TSHZ1: variants seen among roughly 807,000 people sequenced by gnomAD.
The protein encoded by TSHZ1 is teashirt zinc finger homeobox 1, also known as teashirt homolog 1.
A neutral mutation model predicts 67.1 loss-of-function variants in TSHZ1; 12 were observed. The ratio of observed to expected loss-of-function variants is 0.18; its 90% CI spans 0.11 to 0.29. The LOEUF (loss-of-function observed/expected upper bound fraction) is 0.29. Ranked by LOEUF, TSHZ1 falls within the 10% of genes least tolerant of loss-of-function variation. TSHZ1 has a pLI of 1.00. For synonymous variants in TSHZ1, 632 were observed against 622.4 expected (o/e 1.02, Z -0.23); for missense variants, 1,305 against 1,413.9 (o/e 0.92, Z 1.23).
intron 1 of TSHZ1, among the ~76,000 whole-genome samples, chr18:75,226,812 A>G (rs1599028007): frequency 6.6e-6 from 1 of 152,258 alleles, no homozygotes; most frequent in African/African-American, 2.4e-5. Flanking sequence ...TTCATTTTGC[A>G]GTCCCTCCTA....
At chr18:75,239,254 G>T (rs1201881032) in intron 1 of TSHZ1, among the ~76,000 whole-genome samples, 30 of 152,216 alleles carry the variant, frequency 2.0e-4, no homozygotes, top group Non-Finnish European at 5.9e-5. Context: ...TATGATAATT[G>T]TCCTTGTTAT....
intron 1 of TSHZ1, among the ~76,000 whole-genome samples, chr18:75,221,906 A>G (rs902227226): frequency 6.6e-6 from 1 of 152,260 alleles, no homozygotes; most frequent in Admixed American, 6.5e-5. Context: ...AAACTTTGAG[A>G]ATATATACAT....
At chr18:75,249,935 A>C (rs1300023199) in intron 1 of TSHZ1, among the ~76,000 whole-genome samples, 1 of 115,116 alleles carries the variant, frequency 8.7e-6, no homozygotes, top group Admixed American at 8.6e-5. Flanking sequence ...AGTAGGTGGG[A>C]GGGTTGACTT....
At chr18:75,235,714 A>C (rs1329161250) in intron 1 of TSHZ1, among the ~76,000 whole-genome samples, 3 of 152,202 alleles carry the variant, frequency 2.0e-5, no homozygotes, top group African/African-American at 7.2e-5. Context: ...TGGATGTAAA[A>C]ATTTCATTGA....
intron 1 of TSHZ1, among the ~76,000 whole-genome samples, chr18:75,247,051 C>T (rs990677355): frequency 1.3e-5 from 2 of 152,036 alleles, no homozygotes; most frequent in African/African-American, 2.4e-5. Flanking sequence ...TCTTTTTGCT[C>T]GAGCAAATGG....
intron 1 of TSHZ1, among the ~76,000 whole-genome samples, chr18:75,282,015 C>G (rs1025734018): frequency 6.6e-6 from 1 of 152,112 alleles, no homozygotes; most frequent in Non-Finnish European, 1.5e-5. Context: ...CTTCGACGTC[C>G]GCACTCCCTG....
Position 75,287,294 on chromosome 18 carries a change from C to A in TSHZ1, c.1887C>A (p.Pro629=). 6.2e-7 allele frequency: 1 copy of A among 1,614,086 alleles called. No homozygotes were observed. Among genetic ancestry groups the A allele is most frequent in the African/African-American group, 1.3e-5 (1 of 75,024 alleles). ...ALLHSPGSLT[P]PPHKSNVSAM... ...TGCACTCCCCAGGGAGCCTCACGCC[C>A]CCACCGCACAAGAGCAACGTGTCTG... Residue 629 remains proline (P), a synonymous_variant, in exon 2 of 2, where the codon CCC becomes CCA. Coordinates refer to ENST00000580243, the MANE Select transcript of TSHZ1 (RefSeq NM_001308210.2). The surrounding 1 kb of genome is among the most constrained non-coding windows in gnomAD (Gnocchi z 5.0).
Position 75,286,107 on chromosome 18 carries a change from A to C in TSHZ1, c.700A>C (p.Lys234Gln), listed in dbSNP as rs1461987765. The change falls in exon 2 of 2, where the codon AAG becomes CAG. Residue 234 changes from lysine (K) to glutamine (Q), a missense_variant. Physicochemically the swap from Lys to Gln is moderately conservative, Grantham distance 53. Around this residue, in one of 3 missense-constraint regions of TSHZ1, gnomAD observed 358 missense variants for 375.6 expected, o/e 0.95. Coordinates refer to ENST00000580243, the MANE Select transcript of TSHZ1 (RefSeq NM_001308210.2). This position sits in a 1 kb window ranked among gnomAD's most constrained non-coding sequence, Gnocchi z 5.1. ...STVQLYRQNN[K>Q]LYGSVFTGAS... Reference sequence around the variant, plus strand: ...CGTGCAGCTCTACCGCCAGAACAACAAGCTCTACGGCTCCGTCTTCACGGG... The same window carrying C: ...CGTGCAGCTCTACCGCCAGAACAACCAGCTCTACGGCTCCGTCTTCACGGG... 6.2e-7 allele frequency: 1 copy of C among 1,611,876 alleles called. No individual in the cohort carries two copies. Among genetic ancestry groups the C allele is most frequent in the Non-Finnish European group, 8.5e-7 (1 of 1,178,424 alleles).
intron 1 of TSHZ1, among the ~76,000 whole-genome samples, chr18:75,264,081 C>T (rs1403347858): frequency 6.6e-6 from 1 of 152,142 alleles, no homozygotes; most frequent in East Asian, 1.9e-4. Flanking sequence ...ATAAATGCAG[C>T]GTTATTTTAT....
intron 1 of TSHZ1, among the ~76,000 whole-genome samples, chr18:75,273,300 G>A (rs1261617753): frequency 6.6e-6 from 1 of 152,148 alleles, no homozygotes; most frequent in Non-Finnish European, 1.5e-5. Flanking sequence ...GTGCATAATT[G>A]GGGTACAGAT....
In TSHZ1 at chr18:75,211,162, G is replaced by A. The variant is rs929926117; in HGVS notation, c.-715G>A. On this transcript the variant is annotated 5_prime_UTR_variant, in exon 1 of 2. The change creates a new upstream start codon in the 5' untranslated region. Transcript: ENST00000580243. The stretch of plus-strand genomic sequence containing the variant: ...CCCGGGTGGAAGCGCGGGGCACCAA[G>A]TGGCGCTCCGGCGGGGTGACACTGT... 1 of 152,150 alleles carries A rather than the reference G, an allele frequency of 6.6e-6. No homozygotes were observed. The highest frequency in any genetic ancestry group is 1.9e-4 in the East Asian group (1 of 5,164). 9.4% of individuals were successfully genotyped at this position (152,150 alleles called of 1,614,324 possible). A position where few individuals can be genotyped will look rare whatever the true frequency, so the allele number is the denominator to read the frequency against.
intron 1 of TSHZ1, among the ~76,000 whole-genome samples, chr18:75,266,818 T>TA (rs1384855608): frequency 4.6e-5 from 7 of 152,186 alleles, no homozygotes; most frequent in Admixed American, 4.6e-4. Context: ...CAGATCTTGT[T>TA]ACGCCCCTGG....
At chr18:75,221,231 C>T (rs1028085916) in intron 1 of TSHZ1, 3 of 152,200 alleles carry the variant, frequency 2.0e-5, no homozygotes, top group African/African-American at 7.2e-5. Context: ...GGCACGAAGG[C>T]ATGGATCTAT....
chr18:75,245,897 TGTACTAA>T (rs2023215587), intron 1 of TSHZ1, among the ~76,000 whole-genome samples: 1 of 152,340 alleles, frequency 6.6e-6, no homozygotes, highest in South Asian at 2.1e-4. Context: ...TGTGTTTTCT[TGTACTAA>T]GTGTTGTTCT....
At chr18:75,248,929 A>G (rs2023258076) in intron 1 of TSHZ1, among the ~76,000 whole-genome samples, 1 of 152,186 alleles carries the variant, frequency 6.6e-6, no homozygotes. Flanking sequence ...GTCACCCACC[A>G]GCAGCAGTAC....
intron 1 of TSHZ1, among the ~76,000 whole-genome samples, chr18:75,253,282 T>A (rs2023325490): frequency 6.6e-6 from 1 of 152,248 alleles, no homozygotes; most frequent in South Asian, 2.1e-4. Flanking sequence ...CCTTTGTATG[T>A]GGTAGCTAGA....
chr18:75,278,652 T>TTGGAGCCTGGCCTGCTGCTGCC (rs2023644882), intron 1 of TSHZ1, among the ~76,000 whole-genome samples: 2 of 151,982 alleles, frequency 1.3e-5, no homozygotes, highest in Admixed American at 1.3e-4. Flanking sequence ...CAGAGGCTGC[T>TTGGAGCCTGGCCTGCTGCTGCC]TGGAGCCTGG....
chr18:75,282,597 G>T (rs1405419673), intron 1 of TSHZ1, among the ~76,000 whole-genome samples: 1 of 152,144 alleles, frequency 6.6e-6, no homozygotes, highest in Non-Finnish European at 1.5e-5. Context: ...AAAAGAAGTG[G>T]AAGAGCTCTC....
chr18:75,212,590 G>A (rs1341285881), intron 1 of TSHZ1, among the ~76,000 whole-genome samples: 3 of 152,080 alleles, frequency 2.0e-5, no homozygotes, highest in Admixed American at 6.5e-5. Flanking sequence ...GTGATTGATC[G>A]CCTGTCATCT....
Sources: allele counts gnomAD v4.1 joint callset (sites outside exome capture counted in the v4.1 genomes callset), GRCh38; gene constraint gnomAD v4.1.1; regional missense constraint gnomAD v4.1.1; non-coding constraint Gnocchi (gnomAD v3.1); transcripts MANE v1.5; gene names NCBI Gene and HGNC (gene_info 2026-07-23, HGNC 2026-07-21).